Variants in PTPN5 observed in about 807,000 individuals in gnomAD.
PTPN5 encodes the protein protein tyrosine phosphatase non-receptor type 5.
A neutral mutation model predicts 73.9 loss-of-function variants in PTPN5; 29 were observed. That is an observed-to-expected ratio of 0.39 (90% CI 0.29 to 0.54). PTPN5 has a LOEUF of 0.54. PTPN5 is among the 20% of genes least tolerant of loss of function. The pLI, the probability that PTPN5 is intolerant of heterozygous loss-of-function variation, is 0.65. For synonymous variants in PTPN5, 267 were observed against 304.7 expected (o/e 0.88, Z 1.29); for missense variants, 652 against 751.4 (o/e 0.87, Z 1.55).
chr11:18,730,021 G>A, intron 12 of PTPN5: 1 of 635,202 alleles, frequency 1.6e-6, no homozygotes, highest in Non-Finnish European at 2.8e-6. Context: ...GGGTTGGTCA[G>A]CAGCGTTGGC....
At position 18,771,922 on chromosome 11, in the gene PTPN5, C is replaced by A; in HGVS notation, c.20+17G>T. 1 of 1,596,560 alleles carries A rather than the reference C, an allele frequency of 6.3e-7. No homozygotes were observed. The highest frequency in any genetic ancestry group is 1.1e-5 in the South Asian group (1 of 87,900). ...CAGTGGGCGGGTTGCAGGGGGACGG[C>A]GTAAACGCTCACTCACCTGGCTCCC... is the stretch of plus-strand genomic sequence containing the variant. On this transcript the variant is annotated intron_variant, in intron 2 of 14. Coordinates refer to ENST00000358540, the MANE Select transcript of PTPN5 (RefSeq NM_006906.2).
chr11:18,778,098 T>C (rs1851255406), intron 1 of PTPN5, among the ~76,000 whole-genome samples: 1 of 152,146 alleles, frequency 6.6e-6, no homozygotes, highest in South Asian at 2.1e-4. Flanking sequence ...CAAGCTATGA[T>C]TGTGAAGAGT....
intron 3 of PTPN5, among the ~76,000 whole-genome samples, chr11:18,761,809 A>G (rs151014033): frequency 7.0e-4 from 106 of 152,292 alleles, no homozygotes; most frequent in African/African-American, 2.5e-3. Context: ...AAGCATGCAG[A>G]GTGGAAGCCG....
chr11:18,772,352 A>G (rs1850942346), intron 1 of PTPN5, among the ~76,000 whole-genome samples: 1 of 152,170 alleles, frequency 6.6e-6, no homozygotes, highest in Non-Finnish European at 1.5e-5. Context: ...GCGTGCAGCA[A>G]ACTCGTGGAA....
chr11:18,729,442 C>G lies in PTPN5; in HGVS notation c.1604+11G>C, dbSNP rs372798460. ...TCCCTTGTGTGTCCCCACTCCCGCC[C>G]GTGGGCTGACCTGTCCTGACGGAGC... On this transcript the variant is annotated intron_variant, in intron 14 of 14. Transcript: ENST00000358540. This position sits in a 1 kb window ranked among gnomAD's most constrained non-coding sequence, Gnocchi z 5.2. The G allele has an allele frequency of 3.3e-5, 44 of 1,346,064 alleles. No individual in the cohort carries two copies. The highest frequency in any genetic ancestry group is 4.7e-5 in the Non-Finnish European group (44 of 940,500). 83.4% of individuals were successfully genotyped at this position (1,346,064 alleles called of 1,614,324 possible). A position where few individuals can be genotyped will look rare whatever the true frequency, so the allele number is the denominator to read the frequency against.
At chr11:18,759,057 G>A (rs1194902884) in intron 3 of PTPN5, among the ~76,000 whole-genome samples, 5 of 152,156 alleles carry the variant, frequency 3.3e-5, no homozygotes, top group African/African-American at 1.2e-4. Context: ...CAGACCTGTG[G>A]TGGGGAGTCA....
intron 1 of PTPN5, among the ~76,000 whole-genome samples, chr11:18,773,123 AG>A (rs1214243677): frequency 2.6e-5 from 4 of 152,096 alleles, no homozygotes; most frequent in African/African-American, 9.7e-5. Flanking sequence ...GAGTGTGGAA[AG>A]GGGGTGAACC....
chr11:18,771,914 G>A, intron 2 of PTPN5, 25 bp downstream of exon 2: 1 of 1,599,192 alleles, frequency 6.3e-7, no homozygotes, highest in Non-Finnish European at 8.5e-7. Flanking sequence ...CGGGTTGCAG[G>A]GGGACGGCGT....
At chr11:18,757,226 T>C (rs570284267) in intron 3 of PTPN5, among the ~76,000 whole-genome samples, 6 of 152,144 alleles carry the variant, frequency 3.9e-5, no homozygotes, top group African/African-American at 1.2e-4. Context: ...ATAACTACCA[T>C]GAAAAAAATT....
rs746216346 is a variant in PTPN5 at position 18,729,462 on chromosome 11, C to A, written c.1595G>T (p.Arg532Leu). 2.0e-6 allele frequency: 3 copies of A among 1,531,470 alleles called. No homozygotes were observed. The highest frequency in any genetic ancestry group is 2.7e-6 in the Non-Finnish European group (3 of 1,109,254). The allele number at this position is 1,531,470 out of a possible 1,614,324, so 94.9% of individuals were successfully genotyped here. Residue 532 changes from arginine to leucine, a missense_variant, in exon 14 of 15, where the codon CGT becomes CTT. Physicochemically the swap from Arg to Leu is moderately radical, Grantham distance 102. This residue lies in a region of PTPN5 where 102 missense variants were observed against 160.5 expected (regional missense o/e 0.64). Coordinates refer to ENST00000358540, the MANE Select transcript of PTPN5 (RefSeq NM_006906.2). This position sits in a 1 kb window ranked among gnomAD's most constrained non-coding sequence, Gnocchi z 5.2. ...CCGCCCGTGGGCTGACCTGTCCTGA[C>A]GGAGCTGGCACGTGGTCTTCAGGAT... is the stretch of plus-strand genomic sequence containing the variant. ...VDILKTTCQLRQDRGGMIQTC... is the reference protein window; with the variant it reads ...VDILKTTCQLLQDRGGMIQTC...
chr11:18,731,249 CA>C (rs1438113354), intron 12 of PTPN5, among the ~76,000 whole-genome samples: 6 of 148,398 alleles, frequency 4.0e-5, no homozygotes, highest in Non-Finnish European at 7.4e-5. Context: ...TATATACATA[CA>C]TATATGATAT....
At position 18,742,479 on chromosome 11, in the gene PTPN5, G is replaced by C. The variant is rs4757707; in HGVS notation, c.508C>G (p.Pro170Ala). ...TLVWHLLRTP[P>A]EPPTPLPPED... is the part of the protein sequence containing the mutation. ...GGGGGCAGTGGGGTGGGTGGCTCTG[G>C]GGGTGTCCTCAGGAGGTGCCACACC... Residue 170 changes from proline (P) to alanine (A), a missense_variant, in exon 7 of 15, where the codon CCA (proline) becomes GCA (alanine). Pro to Ala is a conservative substitution (Grantham distance 27). Transcript: ENST00000358540. This position sits in a 1 kb window ranked among gnomAD's most constrained non-coding sequence, Gnocchi z 4.1. The C allele has an allele frequency of 0.37, 592,634 of 1,613,520 alleles. 114,016 individuals carry two copies. The highest frequency in any genetic ancestry group is 0.5 in the Admixed American group (29,737 of 60,016).
chr11:18,738,072 C>G, intron 8 of PTPN5, 108 bp from the exon 9 acceptor site: 1 of 809,042 alleles, frequency 1.2e-6, no homozygotes, highest in Non-Finnish European at 2.2e-6. Context: ...CTTGAGTGCA[C>G]GCATTCATTC....
chr11:18,775,694 C>A lies in PTPN5; in HGVS notation c.-113-3623G>T, dbSNP rs559836942. Reference sequence around the variant, plus strand: ...AGAAGCCATGGGCTCTAGTCCCAGGCTACTGTGTGACCTTGGGCTAGTCAT... The same window carrying A: ...AGAAGCCATGGGCTCTAGTCCCAGGATACTGTGTGACCTTGGGCTAGTCAT... On this transcript the variant is annotated intron_variant, in intron 1 of 14. Transcript: ENST00000358540. 3.9e-5 allele frequency among the ~76,000 whole-genome samples: 6 copies of A among 152,324 alleles called. No homozygotes were observed. The East Asian group carries it at 1.2e-3, about 29-fold the overall frequency.
In PTPN5 at chr11:18,742,741, G is replaced by A. The variant is rs1464630821; in HGVS notation, c.484-238C>T. On this transcript the variant is annotated intron_variant, in intron 6 of 14. Coordinates refer to ENST00000358540, the MANE Select transcript of PTPN5 (RefSeq NM_006906.2). This position sits in a 1 kb window ranked among gnomAD's most constrained non-coding sequence, Gnocchi z 4.1. ...TTTCTTGTGGCTTCAGGCCTTCTCA[G>A]TGGGGCTTGGGAGTTCCTACACCAG... Among the ~76,000 whole-genome samples the A allele has an allele frequency of 6.6e-6, 1 of 152,172 alleles. No homozygotes were observed. Among genetic ancestry groups the A allele is most frequent in the African/African-American group, 2.4e-5 (1 of 41,436 alleles).
At chr11:18,735,909 G>A (rs1048140818) in intron 9 of PTPN5, among the ~76,000 whole-genome samples, 2 of 152,164 alleles carry the variant, frequency 1.3e-5, no homozygotes, top group Non-Finnish European at 2.9e-5. Context: ...GGAGAGTGTG[G>A]AAGCCAGAAG....
At chr11:18,774,247 G>A (rs1476845469) in intron 1 of PTPN5, among the ~76,000 whole-genome samples, 2 of 152,238 alleles carry the variant, frequency 1.3e-5, no homozygotes, top group Non-Finnish European at 2.9e-5. Flanking sequence ...ATGGTGACTG[G>A]TGAACAGCAG....
At chr11:18,766,794 T>A (rs958184157) in intron 2 of PTPN5, among the ~76,000 whole-genome samples, 2 of 152,190 alleles carry the variant, frequency 1.3e-5, no homozygotes, top group African/African-American at 4.8e-5. Context: ...GCCTTTCATG[T>A]CTCTGACCCT....
rs968989830 is a variant in PTPN5 at position 18,781,146 on chromosome 11, C to G, written c.-113-9075G>C. ...ATTGACTCTGATCTTTGCCGCACCC[C>G]CCCGGCCCCGCCCCGGCCCCCTTGA... On this transcript the variant is annotated intron_variant, in intron 1 of 14. Transcript: ENST00000358540. 3.3e-5 allele frequency among the ~76,000 whole-genome samples: 5 copies of G among 152,200 alleles called. No individual in the cohort carries two copies. In the South Asian group the frequency reaches 1.0e-3, roughly 32 times the overall value.
Sources: allele counts gnomAD v4.1 joint callset (sites outside exome capture counted in the v4.1 genomes callset), GRCh38; gene constraint gnomAD v4.1.1; regional missense constraint gnomAD v4.1.1; non-coding constraint Gnocchi (gnomAD v3.1); transcripts MANE v1.5; gene names NCBI Gene and HGNC (gene_info 2026-07-23, HGNC 2026-07-21).